Variants in ZNF395 observed in about 807,000 individuals in gnomAD.
ZNF395 encodes HD gene regulatory region-binding protein 2.
A neutral mutation model predicts 57.7 loss-of-function variants in ZNF395; 20 were observed. The ratio of observed to expected loss-of-function variants is 0.35; its 90% confidence interval spans 0.24 to 0.50. The LOEUF is 0.50. ZNF395 is among the 20% of genes least tolerant of loss of function. The pLI, the probability that ZNF395 is intolerant of heterozygous loss-of-function variation, is 0.97. For synonymous variants in ZNF395, 295 were observed against 275.9 expected (o/e 1.07, Z -0.69); for missense variants, 606 against 671.2 (o/e 0.90, Z 1.07).
chr8:28,375,078 T>C (rs1025844982), intron 1 of ZNF395, among the ~76,000 whole-genome samples: 3 of 152,168 alleles, frequency 2.0e-5, no homozygotes, highest in African/African-American at 7.2e-5. Flanking sequence ...AAGCACTACC[T>C]ATAGAGTCCT....
At chr8:28,361,838 T>A (rs1167306460) in intron 1 of ZNF395, among the ~76,000 whole-genome samples, 4 of 152,110 alleles carry the variant, frequency 2.6e-5, no homozygotes, top group African/African-American at 9.7e-5. Flanking sequence ...ATGCCTGTAA[T>A]CCCAACACTT....
Position 28,353,380 on chromosome 8 carries a change from C to A in ZNF395, c.612G>T (p.Lys204Asn). ...SASRAACDPW[K>N]ESGDISDSGS... Reference sequence around the variant, plus strand: ...CGCTGTCCGAGATGTCACCACTCTCCTTCCATGGGTCGCAGGCCGCACGGG... The same window carrying A: ...CGCTGTCCGAGATGTCACCACTCTCATTCCATGGGTCGCAGGCCGCACGGG... The change falls in exon 5 of 10, where the codon AAG becomes AAT. Residue 204 changes from lysine (K) to asparagine (N), a missense_variant. Physicochemically the swap from Lys to Asn is moderately conservative, Grantham distance 94. This residue lies in a region of ZNF395 where 309 missense variants were observed against 374.7 expected (regional missense o/e 0.82). Coordinates refer to ENST00000344423, the MANE Select transcript of ZNF395 (RefSeq NM_018660.3). 6.4e-7 allele frequency: 1 copy of A among 1,573,568 alleles called. No individual in the cohort carries two copies. Among genetic ancestry groups the A allele is most frequent in the South Asian group, 1.2e-5 (1 of 84,946 alleles).
intron 1 of ZNF395, among the ~76,000 whole-genome samples, chr8:28,366,607 T>G (rs957643477): frequency 1.3e-5 from 2 of 152,174 alleles, no homozygotes; most frequent in Admixed American, 6.5e-5. Flanking sequence ...TTTTCAGCAA[T>G]TCTTAGCCAA....
chr8:28,351,918 G>C, intron 6 of ZNF395, 111 bp from the exon 7 acceptor site: 1 of 1,323,848 alleles, frequency 7.6e-7, no homozygotes, highest in Non-Finnish European at 1.0e-6. Context: ...GCAAGCCAGG[G>C]ACGGAGCCCA....
chr8:28,349,202 G>A lies in ZNF395; in HGVS notation c.1353C>T (p.Ser451=), dbSNP rs375928784. 99 of 1,557,836 alleles carry A rather than the reference G, an allele frequency of 6.4e-5. 1 individual carries two copies. The African/African-American group carries it at 8.9e-4, about 14-fold the overall frequency. The part of the protein sequence containing the change: ...SPVRSRSLSF[S]EPQQPAPAMK... ...TCGCAGGTGCTGGCTGCTGGGGCTCGCTGAAGCTTAGCGACCGGCTCCGGA... is the reference window on the plus strand; with the variant it reads ...TCGCAGGTGCTGGCTGCTGGGGCTCACTGAAGCTTAGCGACCGGCTCCGGA... Residue 451 remains serine (S), a synonymous_variant, in exon 9 of 10, where the codon AGC becomes AGT. Transcript: ENST00000344423.
chr8:28,379,418 C>T (rs1802083136), intron 1 of ZNF395, among the ~76,000 whole-genome samples: 1 of 152,104 alleles, frequency 6.6e-6, no homozygotes, highest in Non-Finnish European at 1.5e-5. Context: ...TAGACCCAGC[C>T]ACTTGGGAGG....
rs1801845483 is a variant in ZNF395, at chr8:28,361,188, G to A, written c.-58-6C>T. On this transcript the variant is annotated splice_polypyrimidine_tract_variant and splice_region_variant and intron_variant, in intron 1 of 9. Coordinates refer to ENST00000344423, the MANE Select transcript of ZNF395 (RefSeq NM_018660.3). Reference sequence around the variant, plus strand: ...CTGAAGCCTCTGCCCATCACCTGGGGGAATCAGGAAGCTTTCAGGAGGGAG... The same window carrying A: ...CTGAAGCCTCTGCCCATCACCTGGGAGAATCAGGAAGCTTTCAGGAGGGAG... 1 of 1,602,424 alleles carries A rather than the reference G, an allele frequency of 6.2e-7. No individual in the cohort carries two copies. The highest frequency in any genetic ancestry group is 1.3e-5 in the African/African-American group (1 of 74,982).
In ZNF395 at chr8:28,350,081, C is replaced by G. The variant is rs759364151; in HGVS notation, c.1309G>C (p.Ala437Pro). The part of the protein sequence containing the change: ...SVSWAAAPSA[A>P]CSLSPVRSRS... The stretch of plus-strand genomic sequence containing the variant: ...ACACTCACCGGAGAGAGAGAGCAGG[C>G]GGCGGAGGGGGCAGCAGCCCAGCTG... The change falls in exon 8 of 10, where the codon GCC (alanine) becomes CCC (proline). Residue 437 changes from alanine to proline, a missense_variant. Physicochemically the swap from Ala to Pro is conservative, Grantham distance 27. This residue lies in a region of ZNF395 where 261 missense variants were observed against 240.3 expected (regional missense o/e 1.09). Coordinates refer to ENST00000344423, the MANE Select transcript of ZNF395 (RefSeq NM_018660.3). 2.5e-6 allele frequency: 4 copies of G among 1,603,540 alleles called. No individual in the cohort carries two copies. The African/African-American group carries it at 5.4e-5, about 21-fold the overall frequency.
chr8:28,371,260 G>A (rs1190577830), intron 1 of ZNF395, among the ~76,000 whole-genome samples: 2 of 152,122 alleles, frequency 1.3e-5, no homozygotes, highest in East Asian at 1.9e-4. Context: ...AGCTCACTGC[G>A]GCCTTGACCT....
At chr8:28,353,050 G>T in intron 5 of ZNF395, 123 bp downstream of exon 5, 1 of 860,750 alleles carries the variant, frequency 1.2e-6, no homozygotes. Flanking sequence ...ATAAAAAACC[G>T]AAATGGGAGT....
intron 1 of ZNF395, chr8:28,385,407 C>CCA (rs1554520850): frequency 6.6e-6 from 1 of 151,822 alleles, no homozygotes; most frequent in African/African-American, 2.4e-5. Flanking sequence ...GCCCCGCCCC[C>CCA]CCCCCGGGCA....
Position 28,360,888 on chromosome 8 carries a change from C to T in ZNF395, c.237G>A (p.Gln79=), listed in dbSNP as rs2129960158. 1 of 1,613,696 alleles carries T rather than the reference C, an allele frequency of 6.2e-7. No individual in the cohort carries two copies. Among genetic ancestry groups the T allele is most frequent in the Middle Eastern group, 1.7e-4 (1 of 6,058 alleles). ...GTCCATGTTGGGATCAACCTACCTTCTGCCCAGGCTGAAAGGCCACCTGCT... is the reference window on the plus strand; with the variant it reads ...GTCCATGTTGGGATCAACCTACCTTTTGCCCAGGCTGAAAGGCCACCTGCT... The part of the protein sequence containing the change: ...GLQQVAFQPG[Q]KVYVWYGGQE... The change falls in exon 2 of 10, where the codon CAG becomes CAA. Residue 79 remains glutamine (Q), a synonymous_variant. Coordinates refer to ENST00000344423, the MANE Select transcript of ZNF395 (RefSeq NM_018660.3).
At chr8:28,381,013 T>TTGTGTG (rs1165044193) in intron 1 of ZNF395, among the ~76,000 whole-genome samples, 1 of 63,762 alleles carries the variant, frequency 1.6e-5, no homozygotes, top group Non-Finnish European at 3.4e-5. Context: ...CACACCCTGC[T>TTGTGTG]AGTGTGTGTG....
intron 4 of ZNF395, among the ~76,000 whole-genome samples, chr8:28,354,629 G>A (rs1801757664): frequency 6.6e-6 from 1 of 152,160 alleles, no homozygotes; most frequent in African/African-American, 2.4e-5. Context: ...CAAAAAGAAT[G>A]AGATGGAGGA....
intron 6 of ZNF395, 132 bp from the exon 7 acceptor site, chr8:28,351,939 C>G (rs543417069): frequency 2.2e-5 from 23 of 1,029,024 alleles, no homozygotes; most frequent in East Asian, 1.9e-4. Context: ...AGAGAACACC[C>G]AGGTGCCTCG....
rs1230271489 is a variant in ZNF395, at chr8:28,352,919, C to T, written c.820-246G>A. Among the ~76,000 whole-genome samples, 2 of 152,204 alleles carry T rather than the reference C, an allele frequency of 1.3e-5. No homozygotes were observed. The highest frequency in any genetic ancestry group is 2.4e-5 in the African/African-American group (1 of 41,434). Reference sequence around the variant, plus strand: ...CTAAGACCCTACTGGAGGCCTCTCCCACGCAGACCTCTGCAGAAACACAGG... The same window carrying T: ...CTAAGACCCTACTGGAGGCCTCTCCTACGCAGACCTCTGCAGAAACACAGG... On this transcript the variant is annotated intron_variant, in intron 5 of 9. Transcript: ENST00000344423. The surrounding 1 kb of genome is among the most constrained non-coding windows in gnomAD (Gnocchi z 4.0).
At chr8:28,383,416 C>T (rs969082757) in intron 1 of ZNF395, among the ~76,000 whole-genome samples, 3 of 152,064 alleles carry the variant, frequency 2.0e-5, no homozygotes, top group African/African-American at 7.3e-5. Flanking sequence ...TGTCTTCCTG[C>T]CTCACTCTCT....
Position 28,349,950 on chromosome 8 carries a change from G to C in ZNF395, c.1326+114C>G, listed in dbSNP as rs910356817. On this transcript the variant is annotated intron_variant, in intron 8 of 9. Transcript: ENST00000344423. ...ACGTTTGGGGGCTGAAAGCAAGATG[G>C]CCACACCGACCTGTGGCCACGTGCC... 3.3e-6 allele frequency: 3 copies of C among 921,222 alleles called. No homozygotes were observed. In the African/African-American group the frequency reaches 5.2e-5, roughly 16 times the overall value. The allele number at this position is 921,222 out of a possible 1,614,324, so 57.1% of individuals were successfully genotyped here.
intron 1 of ZNF395, among the ~76,000 whole-genome samples, chr8:28,384,552 G>A (rs1802147649): frequency 6.6e-6 from 1 of 152,170 alleles, no homozygotes; most frequent in Non-Finnish European, 1.5e-5. Context: ...GAGGGCAGAA[G>A]CCCTGGAGGG....
Sources: allele counts gnomAD v4.1 joint callset (sites outside exome capture counted in the v4.1 genomes callset), GRCh38; gene constraint gnomAD v4.1.1; regional missense constraint gnomAD v4.1.1; non-coding constraint Gnocchi (gnomAD v3.1); transcripts MANE v1.5; gene names NCBI Gene and HGNC (gene_info 2026-07-23, HGNC 2026-07-21).